HMGA2: variants seen among roughly 807,000 people sequenced by gnomAD.
The protein encoded by HMGA2 is high mobility group protein HMGI-C.
HMGA2 carries 8 observed loss-of-function variants against 19.1 expected under a neutral mutation model. That is an observed-to-expected ratio of 0.42 (90% CI 0.25 to 0.76). HMGA2 has a LOEUF of 0.76. Among genes scored for constraint, HMGA2 ranks in the 30% least tolerant of loss-of-function variants. The pLI, the probability that HMGA2 is intolerant of heterozygous loss-of-function variation, is 0.28. For missense variants in HMGA2, 109 were observed against 136.3 expected (o/e 0.80, Z 1.00); for synonymous variants, 60 against 48.8 (o/e 1.23, Z -0.96).
At chr12:65,842,510 T>C (rs2120892043) in intron 3 of HMGA2, 1 of 1,097,502 alleles carries the variant, frequency 9.1e-7, no homozygotes, top group South Asian at 1.3e-5. Flanking sequence ...GTCCTCAATA[T>C]ATTTATGCTG....
intron 3 of HMGA2, among the ~76,000 whole-genome samples, chr12:65,927,789 A>G (rs61219701): frequency 6.6e-6 from 1 of 150,444 alleles, no homozygotes; most frequent in Non-Finnish European, 1.5e-5. Context: ...ATAAAGGCTT[A>G]TTGGTCTGTC....
At position 65,824,951 on chromosome 12, in the gene HMGA2, C is replaced by T. The variant is rs1053277961; in HGVS notation, c.-320C>T. Reference sequence around the variant, plus strand: ...CAAAGCCTCTCTTCCTTCTCCCTCGCTTCCCTCCTCCTCTTGCTACCTCCA... The same window carrying T: ...CAAAGCCTCTCTTCCTTCTCCCTCGTTTCCCTCCTCCTCTTGCTACCTCCA... On this transcript the variant is annotated 5_prime_UTR_variant, in exon 1 of 5. Coordinates refer to ENST00000403681, the MANE Select transcript of HMGA2 (RefSeq NM_003483.6). The T allele has an allele frequency of 8.1e-6, 3 of 370,372 alleles. No individual in the cohort carries two copies. The highest frequency in any genetic ancestry group is 1.5e-5 in the Non-Finnish European group (3 of 204,256). 22.9% of individuals were successfully genotyped at this position (370,372 alleles called of 1,614,324 possible).
intron 3 of HMGA2, among the ~76,000 whole-genome samples, chr12:65,909,602 A>G (rs1395078733): frequency 6.6e-6 from 1 of 152,154 alleles, no homozygotes; most frequent in Non-Finnish European, 1.5e-5. Flanking sequence ...CCAACCAACC[A>G]ACAAAGAAAA....
intron 3 of HMGA2, among the ~76,000 whole-genome samples, chr12:65,901,187 AC>A (rs1327033845): frequency 6.6e-6 from 1 of 152,242 alleles, no homozygotes; most frequent in African/African-American, 2.4e-5. Flanking sequence ...TTGATTATTA[AC>A]TAGACTTTAA....
intron 3 of HMGA2, among the ~76,000 whole-genome samples, chr12:65,862,402 G>A (rs1872148554): frequency 6.6e-6 from 1 of 151,696 alleles, no homozygotes; most frequent in Non-Finnish European, 1.5e-5. Flanking sequence ...TTTTATTATA[G>A]TATTATCAAT....
At chr12:65,835,950 T>C (rs1023892012) in intron 2 of HMGA2, among the ~76,000 whole-genome samples, 3 of 152,222 alleles carry the variant, frequency 2.0e-5, no homozygotes, top group African/African-American at 7.2e-5. Flanking sequence ...TTAAGTCAGA[T>C]GCTGCTTCTG....
chr12:65,927,847 GTGTGTA>G (rs1322944504), intron 3 of HMGA2, among the ~76,000 whole-genome samples: 3 of 149,656 alleles, frequency 2.0e-5, no homozygotes, highest in Non-Finnish European at 1.5e-5. Context: ...GTGTGTGTGT[GTGTGTA>G]TATATATTTT....
chr12:65,915,506 T>C (rs1455771667), intron 3 of HMGA2: 1 of 1,192,030 alleles, frequency 8.4e-7, no homozygotes, highest in African/African-American at 1.5e-5. Context: ...TTTGATTTCA[T>C]AAAACAGATG....
At chr12:65,853,700 G>T (rs527746401) in intron 3 of HMGA2, among the ~76,000 whole-genome samples, 12 of 152,190 alleles carry the variant, frequency 7.9e-5, no homozygotes, top group Non-Finnish European at 1.6e-4. Context: ...GCATGAGCCT[G>T]CATCCTCGCC....
At chr12:65,902,645 CAGAGTCTG>C (rs1157163729) in intron 3 of HMGA2, among the ~76,000 whole-genome samples, 2 of 152,126 alleles carry the variant, frequency 1.3e-5, no homozygotes, top group Non-Finnish European at 2.9e-5. Context: ...CAATAGATAG[CAGAGTCTG>C]AGAAAACAGC....
intron 3 of HMGA2, among the ~76,000 whole-genome samples, chr12:65,921,097 T>C (rs990755906): frequency 3.3e-5 from 5 of 152,220 alleles, no homozygotes; most frequent in Admixed American, 6.5e-5. Context: ...GTGACTTTTG[T>C]TATATTTTTA....
rs188860897 is a variant in HMGA2 at position 65,853,711 on chromosome 12, G to T, written c.249+15142G>T. Among the ~76,000 whole-genome samples the T allele has an allele frequency of 1.4e-3, 217 of 152,272 alleles. 2 individuals are homozygous for T. In the South Asian group the frequency reaches 0.021, roughly 15 times the overall value. On this transcript the variant is annotated intron_variant, in intron 3 of 4. Coordinates refer to ENST00000403681, the MANE Select transcript of HMGA2 (RefSeq NM_003483.6). ...TGGGGCATGAGCCTGCATCCTCGCC[G>T]CACAGGGGTCCCACCCTTCCTGGTC...
chr12:65,916,883 G>A (rs1374409835), intron 3 of HMGA2, among the ~76,000 whole-genome samples: 2 of 152,188 alleles, frequency 1.3e-5, no homozygotes, highest in East Asian at 1.9e-4. Flanking sequence ...CTGGGGCAGC[G>A]GCACTTGGGC....
intron 3 of HMGA2, chr12:65,874,317 GTC>G (rs1320471681): frequency 6.6e-6 from 1 of 151,736 alleles, no homozygotes; most frequent in African/African-American, 2.4e-5. Context: ...GCTATATAAA[GTC>G]TACTACTTAG....
intron 3 of HMGA2, chr12:65,881,537 T>TCC: frequency 1.7e-6 from 1 of 580,766 alleles, no homozygotes; most frequent in Non-Finnish European, 3.1e-6. Context: ...CTCCAACAAA[T>TCC]CCTCCTGTGT....
intron 2 of HMGA2, among the ~76,000 whole-genome samples, chr12:65,834,708 G>A (rs1016926919): frequency 6.6e-6 from 1 of 151,888 alleles, no homozygotes; most frequent in African/African-American, 2.4e-5. Flanking sequence ...GCTAAGCACT[G>A]TTTTCAAGCT....
At chr12:65,922,921 A>T (rs556146477) in intron 3 of HMGA2, among the ~76,000 whole-genome samples, 1 of 152,066 alleles carries the variant, frequency 6.6e-6, no homozygotes, top group Non-Finnish European at 1.5e-5. Context: ...TTCTCTTGCC[A>T]CCACCATGTA....
chr12:65,858,445 T>A (rs1384879572), intron 3 of HMGA2: 1 of 152,176 alleles, frequency 6.6e-6, no homozygotes, highest in Non-Finnish European at 1.5e-5. Flanking sequence ...AATAGTCAAG[T>A]TTTATGTATG....
At chr12:65,871,626 T>G (rs923025837) in intron 3 of HMGA2, among the ~76,000 whole-genome samples, 1 of 152,180 alleles carries the variant, frequency 6.6e-6, no homozygotes, top group Non-Finnish European at 1.5e-5. Flanking sequence ...CATTACTATA[T>G]CCCCTTCCTA....
Sources: allele counts gnomAD v4.1 joint callset (sites outside exome capture counted in the v4.1 genomes callset), GRCh38; gene constraint gnomAD v4.1.1; transcripts MANE v1.5; gene names NCBI Gene and HGNC (gene_info 2026-07-23, HGNC 2026-07-21).